Variants in BACH2 observed in about 807,000 individuals in gnomAD.
BACH2 encodes the protein transcription regulator protein BACH2.
In BACH2, 5 loss-of-function variants were observed where a neutral mutation model predicts 61.8. The ratio of observed to expected loss-of-function variants is 0.08; its 90% confidence interval spans 0.04 to 0.17. BACH2 has a LOEUF of 0.17. Ranked by LOEUF, BACH2 falls within the 10% of genes least tolerant of loss-of-function variation. The probability of loss-of-function intolerance (pLI) is 1.00; values close to 1 mark genes in which losing one functional copy is unlikely to be tolerated. For missense variants in BACH2, 824 were observed against 1,091.1 expected (o/e 0.76, Z 3.45); for synonymous variants, 446 against 440.1 (o/e 1.01, Z -0.17).
Position 89,932,773 on chromosome 6 carries a change from C to T in BACH2, c.2161G>A (p.Glu721Lys), listed in dbSNP as rs1346571372. 12 of 1,613,854 alleles carry T rather than the reference C, an allele frequency of 7.4e-6. No individual in the cohort carries two copies. Among genetic ancestry groups the T allele is most frequent in the Admixed American group, 1.7e-5 (1 of 60,012 alleles). Residue 721 changes from glutamate to lysine, a missense_variant, in exon 9 of 9, where the codon GAG becomes AAG. Physicochemically the swap from Glu to Lys is moderately conservative, Grantham distance 56. This residue lies in a region of BACH2 where 160 missense variants were observed against 283.5 expected (regional missense o/e 0.56). Coordinates refer to ENST00000257749, the MANE Select transcript of BACH2 (RefSeq NM_021813.4). Reference protein sequence around the residue: ...QEVCRDIQSPEQIQALHRYCP... With the variant: ...QEVCRDIQSPKQIQALHRYCP... ...TACCGATGCAGGGCCTGGATCTGCTCGGGGCTCTGGATGTCTCGGCAAACT... is the reference window on the plus strand; with the variant it reads ...TACCGATGCAGGGCCTGGATCTGCTTGGGGCTCTGGATGTCTCGGCAAACT...
intron 5 of BACH2, among the ~76,000 whole-genome samples, chr6:90,046,734 C>T (rs9342219): frequency 0.3 from 45,760 of 151,736 alleles, 7,550 homozygotes; most frequent in East Asian, 0.68. Context: ...CCTATAGAGA[C>T]GCTTTTGTAA....
At chr6:90,100,708 C>CACACACACACACACACAG (rs1554245806) in intron 4 of BACH2, among the ~76,000 whole-genome samples, 11 of 143,300 alleles carry the variant, frequency 7.7e-5, no homozygotes, top group South Asian at 2.3e-4. Flanking sequence ...CACAGACACA[C>CACACACACACACACACAG]ACACACACAC....
intron 6 of BACH2, among the ~76,000 whole-genome samples, chr6:89,989,548 A>G (rs886879986): frequency 1.3e-5 from 2 of 152,078 alleles, no homozygotes; most frequent in Non-Finnish European, 2.9e-5. Context: ...GTATCCTGGG[A>G]TATCCTCCGG....
chr6:90,027,116 C>T (rs1778675392), intron 5 of BACH2, among the ~76,000 whole-genome samples: 1 of 152,146 alleles, frequency 6.6e-6, no homozygotes, highest in South Asian at 2.1e-4. Flanking sequence ...GGTTGGCAGT[C>T]TGTTAAGTCC....
In BACH2 at chr6:90,290,027, G is replaced by A. The variant is rs140425663; in HGVS notation, c.-446+6453C>T. On this transcript the variant is annotated intron_variant, in intron 1 of 8. Coordinates refer to ENST00000257749, the MANE Select transcript of BACH2 (RefSeq NM_021813.4). ...ACTTCTGTTTTTATCAGGTTCTAAA[G>A]ACCCAGGTAAATAAATCAATTCTGG... is the stretch of plus-strand genomic sequence containing the variant. 1.9e-3 allele frequency among the ~76,000 whole-genome samples: 296 copies of A among 152,256 alleles called. 2 individuals carry two copies. Among genetic ancestry groups the A allele is most frequent in the African/African-American group, 6.9e-3 (288 of 41,532 alleles).
At chr6:89,935,062 T>C (rs985519664) in intron 8 of BACH2, among the ~76,000 whole-genome samples, 3 of 152,176 alleles carry the variant, frequency 2.0e-5, no homozygotes, top group South Asian at 2.1e-4. Context: ...AAATACATTA[T>C]GCGAGTTTGC....
chr6:90,229,627 A>C (rs1348787775), intron 3 of BACH2, among the ~76,000 whole-genome samples: 4 of 152,224 alleles, frequency 2.6e-5, no homozygotes, highest in Non-Finnish European at 5.9e-5. Context: ...CTTACATTTA[A>C]GTTGGTGACA....
At chr6:90,059,274 A>G (rs1483490922) in intron 5 of BACH2, among the ~76,000 whole-genome samples, 18 of 152,402 alleles carry the variant, frequency 1.2e-4, no homozygotes, top group African/African-American at 4.3e-4. Context: ...CAACAAATTT[A>G]CAAGAAAAAA....
At chr6:90,180,292 G>T (rs945285986) in intron 4 of BACH2, among the ~76,000 whole-genome samples, 13 of 151,954 alleles carry the variant, frequency 8.6e-5, no homozygotes, top group Non-Finnish European at 1.8e-4. Context: ...AAGTATAAAA[G>T]AAATATAAAT....
intron 5 of BACH2, among the ~76,000 whole-genome samples, chr6:90,052,758 T>C (rs549684110): frequency 6.6e-6 from 1 of 152,332 alleles, no homozygotes; most frequent in East Asian, 1.9e-4. Context: ...CAAAGCTACA[T>C]AGCTCCTTTT....
chr6:90,245,551 G>A (rs1034683595), intron 3 of BACH2, among the ~76,000 whole-genome samples: 4 of 152,194 alleles, frequency 2.6e-5, no homozygotes, highest in African/African-American at 7.2e-5. Flanking sequence ...TTGACAGAAC[G>A]AGATCCCATC....
chr6:90,064,885 C>G (rs1323092081), intron 5 of BACH2, among the ~76,000 whole-genome samples: 3 of 152,172 alleles, frequency 2.0e-5, no homozygotes, highest in Admixed American at 2.0e-4. Context: ...ATACTCCCTT[C>G]CTCCAAAAAT....
At chr6:90,262,588 T>C (rs903657382) in intron 2 of BACH2, among the ~76,000 whole-genome samples, 3 of 152,198 alleles carry the variant, frequency 2.0e-5, no homozygotes, top group African/African-American at 4.8e-5. Context: ...TCTCCGAAGT[T>C]TGGCCTCACA....
chr6:90,110,264 T>C (rs1783111031), intron 4 of BACH2, among the ~76,000 whole-genome samples: 1 of 152,226 alleles, frequency 6.6e-6, no homozygotes, highest in African/African-American at 2.4e-5. Flanking sequence ...AATCAACAAG[T>C]GGTAGCTTTT....
At chr6:89,948,149 G>C (rs2128356180) in intron 7 of BACH2, among the ~76,000 whole-genome samples, 1 of 152,260 alleles carries the variant, frequency 6.6e-6, no homozygotes, top group South Asian at 2.1e-4. Flanking sequence ...GAAACTGACA[G>C]TTCTTTGAAC....
intron 3 of BACH2, among the ~76,000 whole-genome samples, chr6:90,211,126 CAA>C (rs3072672): frequency 6.8e-4 from 31 of 45,350 alleles, no homozygotes; most frequent in African/African-American, 2.3e-3. Context: ...GACTCCATCT[CAA>C]AAAAAAAAAA....
chr6:89,973,362 T>C (rs1020462374), intron 6 of BACH2, among the ~76,000 whole-genome samples: 7 of 152,214 alleles, frequency 4.6e-5, no homozygotes, highest in African/African-American at 7.2e-5. Flanking sequence ...CAGGGGAAAG[T>C]TGACTTTCCT....
At chr6:90,117,024 A>T (rs1170683114) in intron 4 of BACH2, 2 of 347,508 alleles carry the variant, frequency 5.8e-6, no homozygotes, top group African/African-American at 2.2e-5. Context: ...TCCCACACTA[A>T]CTTGAAGTAC....
intron 3 of BACH2, among the ~76,000 whole-genome samples, chr6:90,222,900 A>C (rs1432175120): frequency 6.6e-6 from 1 of 151,994 alleles, no homozygotes; most frequent in Non-Finnish European, 1.5e-5. Context: ...ACCTGCTCTC[A>C]AACAGTCCTT....
Sources: gnomAD v4.1 joint callset for allele counts (sites outside exome capture counted in the v4.1 genomes callset) on GRCh38, gnomAD v4.1.1 for gene constraint, gnomAD v4.1.1 regional missense constraint, MANE v1.5 for transcripts, NCBI Gene and HGNC (gene_info 2026-07-23, HGNC 2026-07-21) for gene names.